The following THSD8 variants were observed in gnomAD, a reference collection of about 807,000 sequenced individuals.
The protein encoded by THSD8 is thrombospondin type-1 domain-containing protein 8.
rs1968916121 is a variant in THSD8 at position 12,802,175 on chromosome 19, G to T, written c.104G>T (p.Gly35Val). 1 of 398,706 alleles carries T rather than the reference G, an allele frequency of 2.5e-6. No homozygotes were observed. The highest frequency in any genetic ancestry group is 4.4e-6 in the Non-Finnish European group (1 of 226,122). The allele number at this position is 398,706 out of a possible 1,614,324, so 24.7% of individuals were successfully genotyped here. A position where few individuals can be genotyped will look rare whatever the true frequency, so the allele number is the denominator to read the frequency against. The change falls in exon 1 of 2, where the codon GGC becomes GTC. Residue 35 changes from glycine (G) to valine (V), a missense_variant. Transcript: ENST00000639810. ...YQDYQYLGQQ[G>V]EGDSWEQLRL... ...GACTATCAGTACTTAGGGCAGCAGG[G>T]CGAAGGTGACAGCTGGGAGCAGCTG...
chr19:12,803,937 A>AAAAAAAAAAAAAAAAAAT (rs1568385528), intron 1 of THSD8, among the ~76,000 whole-genome samples, 167 bp from the exon 2 acceptor site: 1 of 150,210 alleles, frequency 6.7e-6, no homozygotes, highest in Non-Finnish European at 1.5e-5. Flanking sequence ...AAAAAAAAAA[A>AAAAAAAAAAAAAAAAAAT]AGCTTAAATG....
rs1193742749 is a variant in THSD8 at position 12,804,344 on chromosome 19, C to G, written c.*41C>G. The G allele has an allele frequency of 1.0e-5, 4 of 398,446 alleles. No homozygotes were observed. Among genetic ancestry groups the G allele is most frequent in the African/African-American group, 8.2e-5 (4 of 48,638 alleles). The allele number at this position is 398,446 out of a possible 1,614,324, so 24.7% of individuals were successfully genotyped here. A position where few individuals can be genotyped will look rare whatever the true frequency, so the allele number is the denominator to read the frequency against. On this transcript the variant is annotated 3_prime_UTR_variant, in exon 2 of 2. Transcript: ENST00000639810. Reference sequence around the variant, plus strand: ...CAGGGCCGGGGCAAGTTGCGGGGCCCAGGGTGGGCGCGGAGGGAGGATGTG... The same window carrying G: ...CAGGGCCGGGGCAAGTTGCGGGGCCGAGGGTGGGCGCGGAGGGAGGATGTG...
intron 1 of THSD8, 114 bp downstream of exon 1, chr19:12,802,333 A>G (rs1318266589): frequency 1.3e-5 from 5 of 397,074 alleles, no homozygotes; most frequent in Non-Finnish European, 2.2e-5. Context: ...CCAGCTCCGC[A>G]CTGGAGGCGT....
In THSD8 at chr19:12,803,911, CAAAAAAA is replaced by C. The variant is rs761806696; in HGVS notation, c.149-172_149-166del. ...TGGGCGACAGAGCGAGACCCTGTCTCAAAAAAAAAAAAAAAAAAAAAAAAAAAGCTTA... is the reference window on the plus strand; with the variant it reads ...TGGGCGACAGAGCGAGACCCTGTCTCAAAAAAAAAAAAAAAAAAAAGCTTA... On this transcript the variant is annotated intron_variant, in intron 1 of 1. Coordinates refer to ENST00000639810, the MANE Select transcript of THSD8 (RefSeq NM_001386800.1). Among the ~76,000 whole-genome samples, 105 of 34,866 alleles carry C rather than the reference CAAAAAAA, an allele frequency of 3.0e-3. No individual in the cohort carries two copies. In the East Asian group the frequency reaches 0.042, roughly 14 times the overall value. The allele number at this position is 34,866 out of a possible 152,430, so 22.9% of individuals were successfully genotyped here. A position where few individuals can be genotyped will look rare whatever the true frequency, so the allele number is the denominator to read the frequency against.
Position 12,804,128 on chromosome 19 carries a change from C to A in THSD8, c.173C>A (p.Pro58Gln). 1 of 398,444 alleles carries A rather than the reference C, an allele frequency of 2.5e-6. No homozygotes were observed. The highest frequency in any genetic ancestry group is 4.4e-6 in the Non-Finnish European group (1 of 226,074). 24.7% of individuals were successfully genotyped at this position (398,444 alleles called of 1,614,324 possible). A position where few individuals can be genotyped will look rare whatever the true frequency, so the allele number is the denominator to read the frequency against. Reference protein sequence around the residue: ...LKEVEDSILGPWGKWRCLCDL... With the variant: ...LKEVEDSILGQWGKWRCLCDL... ...GAAGTCGAGGACTCAATCCTTGGCC[C>A]GTGGGGAAAGTGGCGGTGTCTCTGC... Residue 58 changes from proline to glutamine, a missense_variant, in exon 2 of 2, where the codon CCG becomes CAG. Transcript: ENST00000639810.
intron 1 of THSD8, among the ~76,000 whole-genome samples, chr19:12,803,608 G>A (rs558002822): frequency 3.9e-5 from 6 of 152,076 alleles, no homozygotes; most frequent in Middle Eastern, 6.8e-3. Context: ...CCTGAGACTC[G>A]TGGAAATATT....
intron 1 of THSD8, among the ~76,000 whole-genome samples, chr19:12,803,087 A>C (rs1308178843): frequency 1.3e-5 from 2 of 151,996 alleles, no homozygotes. Flanking sequence ...TAAATAAATA[A>C]ATAAAAATAA....
At chr19:12,803,000 G>A (rs886078180) in intron 1 of THSD8, among the ~76,000 whole-genome samples, 5 of 152,014 alleles carry the variant, frequency 3.3e-5, no homozygotes, top group Non-Finnish European at 4.4e-5. Flanking sequence ...TTGGGAGGCC[G>A]AGGCGGGAGG....
chr19:12,802,261 C>T (rs1968917500), intron 1 of THSD8, 42 bp downstream of exon 1: 1 of 398,450 alleles, frequency 2.5e-6, no homozygotes, highest in East Asian at 3.6e-5. Flanking sequence ...AAAGGCTCCC[C>T]GTTGCCCTAC....
chr19:12,804,120 C>T lies in THSD8; in HGVS notation c.165C>T (p.Ile55=). The T allele has an allele frequency of 7.5e-6, 3 of 398,532 alleles. No individual in the cohort carries two copies. Among genetic ancestry groups the T allele is most frequent in the Non-Finnish European group, 1.3e-5 (3 of 226,090 alleles). The allele number at this position is 398,532 out of a possible 1,614,324, so 24.7% of individuals were successfully genotyped here. Residue 55 remains isoleucine, a synonymous_variant, in exon 2 of 2, where the codon ATC becomes ATT. Transcript: ENST00000639810. ...CTTCTCTAGAAGTCGAGGACTCAAT[C>T]CTTGGCCCGTGGGGAAAGTGGCGGT... The part of the protein sequence containing the change: ...LQHLKEVEDS[I]LGPWGKWRCL...
Position 12,802,087 on chromosome 19 carries a change from G to C in THSD8, c.16G>C (p.Gly6Arg). The C allele has an allele frequency of 5.0e-6, 2 of 398,650 alleles. No individual in the cohort carries two copies. The highest frequency in any genetic ancestry group is 8.8e-6 in the Non-Finnish European group (2 of 226,076). 24.7% of individuals were successfully genotyped at this position (398,650 alleles called of 1,614,324 possible). A position where few individuals can be genotyped will look rare whatever the true frequency, so the allele number is the denominator to read the frequency against. Residue 6 changes from glycine (G) to arginine (R), a missense_variant, in exon 1 of 2, where the codon GGG (glycine) becomes CGG (arginine). By Grantham distance (125) the Gly-to-Arg change is moderately radical (BLOSUM62 -2). Transcript: ENST00000639810. MARTP[G>R]ALLLAPLLLL... ...GGAGTCCAGCATGGCGCGGACCCCG[G>C]GGGCGCTGCTGCTGGCGCCTCTGCT...
chr19:12,802,784 A>AG (rs1968925394), intron 1 of THSD8, among the ~76,000 whole-genome samples: 1 of 152,036 alleles, frequency 6.6e-6, no homozygotes, highest in African/African-American at 2.4e-5. Flanking sequence ...TCTGTCTCAT[A>AG]GGGGAAAGGG....
intron 1 of THSD8, among the ~76,000 whole-genome samples, chr19:12,803,267 TTAAA>T (rs1272444423): frequency 1.4e-4 from 22 of 152,048 alleles, no homozygotes; most frequent in Middle Eastern, 6.8e-3. Context: ...AATAAATAAA[TTAAA>T]TAAATAAACA....
intron 1 of THSD8, among the ~76,000 whole-genome samples, chr19:12,803,408 G>A (rs1044916363): frequency 2.0e-5 from 3 of 152,144 alleles, no homozygotes; most frequent in Admixed American, 1.3e-4. Flanking sequence ...TGCCTTCTAG[G>A]TAGGGCCATG....
chr19:12,803,228 C>G lies in THSD8; in HGVS notation c.149-876C>G, dbSNP rs533086755. ...CATGATTATGCCCTTGCATTCCAAC[C>G]TGGGTAACAGAGCAAGATCTTGTCT... On this transcript the variant is annotated intron_variant, in intron 1 of 1. Coordinates refer to ENST00000639810, the MANE Select transcript of THSD8 (RefSeq NM_001386800.1). Among the ~76,000 whole-genome samples, 197 of 152,216 alleles carry G rather than the reference C, an allele frequency of 1.3e-3. 5 individuals are homozygous for G. In the South Asian group the frequency reaches 0.04, roughly 31 times the overall value.
At chr19:12,803,353 A>G (rs1968933082) in intron 1 of THSD8, among the ~76,000 whole-genome samples, 2 of 152,216 alleles carry the variant, frequency 1.3e-5, no homozygotes, top group African/African-American at 4.8e-5. Context: ...CATTATGTCA[A>G]TTATGCCATT....
rs1968915682 is a variant in THSD8 at position 12,802,154 on chromosome 19, A to G, written c.83A>G (p.Tyr28Cys). The change falls in exon 1 of 2, where the codon TAT becomes TGT. Residue 28 changes from tyrosine (Y) to cysteine (C), a missense_variant. Physicochemically the swap from Tyr to Cys is radical, Grantham distance 194. Coordinates refer to ENST00000639810, the MANE Select transcript of THSD8 (RefSeq NM_001386800.1). Reference sequence around the variant, plus strand: ...ACCCCTGCCCTGGTCTACCAGGACTATCAGTACTTAGGGCAGCAGGGCGAA... The same window carrying G: ...ACCCCTGCCCTGGTCTACCAGGACTGTCAGTACTTAGGGCAGCAGGGCGAA... ...LATPALVYQD[Y>C]QYLGQQGEGD... 5.0e-6 allele frequency: 2 copies of G among 398,686 alleles called. No homozygotes were observed. The highest frequency in any genetic ancestry group is 4.4e-6 in the Non-Finnish European group (1 of 226,088). The allele number at this position is 398,686 out of a possible 1,614,324, so 24.7% of individuals were successfully genotyped here. A position where few individuals can be genotyped will look rare whatever the true frequency, so the allele number is the denominator to read the frequency against.
intron 1 of THSD8, among the ~76,000 whole-genome samples, chr19:12,802,454 G>A (rs1968920655): frequency 6.6e-6 from 1 of 152,194 alleles, no homozygotes; most frequent in African/African-American, 2.4e-5. Flanking sequence ...GCAGGACACT[G>A]AAGCTGTCAC....
intron 1 of THSD8, among the ~76,000 whole-genome samples, chr19:12,803,127 C>T (rs765366511): frequency 3.3e-5 from 5 of 151,994 alleles, no homozygotes; most frequent in Admixed American, 6.6e-5. Context: ...TGGTGGCATG[C>T]GCCTGTAGTC....
Sources: gnomAD v4.1 joint callset for allele counts (sites outside exome capture counted in the v4.1 genomes callset) on GRCh38, gnomAD v4.1.1 for gene constraint, MANE v1.5 for transcripts, NCBI Gene and HGNC (gene_info 2026-07-23, HGNC 2026-07-21) for gene names.